Variants in ARHGEF26 observed in about 807,000 individuals in gnomAD.
The protein encoded by ARHGEF26 is Rho guanine nucleotide exchange factor 26.
Under a neutral mutation model 89.4 loss-of-function variants are expected in ARHGEF26, and 59 were observed. The ratio of observed to expected loss-of-function variants is 0.66; its 90% confidence interval spans 0.54 to 0.82. The LOEUF (loss-of-function observed/expected upper bound fraction) is 0.82. ARHGEF26 is among the 40% of genes least tolerant of loss of function. The pLI, the probability that ARHGEF26 is intolerant of heterozygous loss-of-function variation, is 0.00. For missense variants in ARHGEF26, 1,234 were observed against 1,085.6 expected (o/e 1.14, Z -1.92); for synonymous variants, 500 against 428.4 (o/e 1.17, Z -2.06).
chr3:154,207,121 G>C (rs1227906666), intron 9 of ARHGEF26, among the ~76,000 whole-genome samples: 4 of 152,118 alleles, frequency 2.6e-5, no homozygotes, highest in African/African-American at 9.7e-5. Context: ...ATAGATTAAA[G>C]ACTTAAATGT....
At chr3:154,218,024 G>A in intron 10 of ARHGEF26, 66 bp downstream of exon 10, 1 of 1,375,596 alleles carries the variant, frequency 7.3e-7, no homozygotes, top group East Asian at 2.5e-5. Flanking sequence ...AGAGACAGTT[G>A]AGGGCAACAA....
At chr3:154,234,941 AT>A (rs1193512696) in intron 11 of ARHGEF26, among the ~76,000 whole-genome samples, 3 of 151,668 alleles carry the variant, frequency 2.0e-5, no homozygotes, top group Non-Finnish European at 4.4e-5. Context: ...AATTTTTTGT[AT>A]TTTTAGAGAC....
Position 154,257,105 on chromosome 3 carries a change from T to G in ARHGEF26, c.*1632T>G. 1 of 1,192,176 alleles carries G rather than the reference T, an allele frequency of 8.4e-7. No individual in the cohort carries two copies. The highest frequency in any genetic ancestry group is 1.1e-6 in the Non-Finnish European group (1 of 890,990). 73.8% of individuals were successfully genotyped at this position (1,192,176 alleles called of 1,614,324 possible). On this transcript the variant is annotated 3_prime_UTR_variant, in exon 15 of 15. Transcript: ENST00000465093. ...AAATTGTAAAGCTACAGAAGCCCAG[T>G]TGAGGGGTAAGTGTGCCTGGCTCAC...
intron 6 of ARHGEF26, among the ~76,000 whole-genome samples, chr3:154,172,110 C>T (rs534507246): frequency 6.6e-5 from 10 of 152,268 alleles, no homozygotes; most frequent in East Asian, 1.9e-4. Context: ...AAAGGCTCTG[C>T]GCAAGAAGCA....
intron 11 of ARHGEF26, among the ~76,000 whole-genome samples, chr3:154,235,573 C>G (rs1227116841): frequency 6.6e-6 from 1 of 152,184 alleles, no homozygotes. Context: ...CATCCTTAAG[C>G]AGCCACAGAC....
Position 154,151,681 on chromosome 3 carries a change from C to T in ARHGEF26, c.1327-1091C>T, listed in dbSNP as rs138971031. Among the ~76,000 whole-genome samples the T allele has an allele frequency of 2.6e-5, 4 of 152,270 alleles. No individual in the cohort carries two copies. In the East Asian group the frequency reaches 5.8e-4, roughly 22 times the overall value. On this transcript the variant is annotated intron_variant, in intron 5 of 14. Transcript: ENST00000465093. ...GCACATTTAAGTAAGACCCAAGTCCCTAAACCTTACGGAAGTTAAAAGTGG... is the reference window on the plus strand; with the variant it reads ...GCACATTTAAGTAAGACCCAAGTCCTTAAACCTTACGGAAGTTAAAAGTGG...
intron 7 of ARHGEF26, among the ~76,000 whole-genome samples, chr3:154,190,529 A>C (rs1576757651): frequency 6.6e-6 from 1 of 152,054 alleles, no homozygotes. Context: ...ACAAACAAAC[A>C]AACCTGGGTT....
chr3:154,175,681 A>G (rs1436918212), intron 6 of ARHGEF26, among the ~76,000 whole-genome samples: 1 of 152,202 alleles, frequency 6.6e-6, no homozygotes. Flanking sequence ...TTCAGAGACC[A>G]CTTTCCAGGG....
At chr3:154,186,398 T>C (rs1355174579) in intron 6 of ARHGEF26, among the ~76,000 whole-genome samples, 1 of 152,190 alleles carries the variant, frequency 6.6e-6, no homozygotes, top group Non-Finnish European at 1.5e-5. Flanking sequence ...ATGTGTATTA[T>C]AGATATATAC....
chr3:154,193,887 TG>T (rs1328646884), intron 8 of ARHGEF26, among the ~76,000 whole-genome samples: 5 of 151,866 alleles, frequency 3.3e-5, no homozygotes, highest in Non-Finnish European at 2.9e-5. Context: ...CACCCAGGAG[TG>T]CAATGGTGCG....
intron 6 of ARHGEF26, among the ~76,000 whole-genome samples, chr3:154,170,490 T>G (rs1378038492): frequency 6.6e-6 from 1 of 152,218 alleles, no homozygotes; most frequent in African/African-American, 2.4e-5. Context: ...TTTTGAAAGT[T>G]GCTGACAGTG....
At chr3:154,130,535 A>G (rs902560863) in intron 4 of ARHGEF26, among the ~76,000 whole-genome samples, 4 of 152,102 alleles carry the variant, frequency 2.6e-5, no homozygotes, top group African/African-American at 9.7e-5. Flanking sequence ...CCTTTTTTGT[A>G]TGCCTGTCTC....
chr3:154,146,550 G>A lies in ARHGEF26; in HGVS notation c.1270-2839G>A, dbSNP rs567273812. On this transcript the variant is annotated intron_variant, in intron 4 of 14. Transcript: ENST00000465093. The stretch of plus-strand genomic sequence containing the variant: ...AATATCTTGTAGTGTTCTTTATTAG[G>A]TTTAGCCAATTACTAATTTCTATCT... Among the ~76,000 whole-genome samples, 7 of 152,200 alleles carry A rather than the reference G, an allele frequency of 4.6e-5. No individual in the cohort carries two copies. The East Asian group carries it at 1.4e-3, about 29-fold the overall frequency.
intron 6 of ARHGEF26, among the ~76,000 whole-genome samples, chr3:154,174,655 A>C (rs928426850): frequency 6.6e-6 from 1 of 152,226 alleles, no homozygotes; most frequent in Non-Finnish European, 1.5e-5. Context: ...TTCCTGTTAC[A>C]GTTAATTGGG....
chr3:154,160,708 A>G (rs967818533), intron 6 of ARHGEF26, among the ~76,000 whole-genome samples: 1 of 152,118 alleles, frequency 6.6e-6, no homozygotes. Flanking sequence ...TCACAAATCT[A>G]TGGTTACTTG....
intron 11 of ARHGEF26, among the ~76,000 whole-genome samples, chr3:154,229,179 A>G (rs1716682987): frequency 6.6e-6 from 1 of 152,134 alleles, no homozygotes; most frequent in Non-Finnish European, 1.5e-5. Flanking sequence ...TTTTTAGAAC[A>G]TTAAAAACAA....
At chr3:154,253,688 T>C (rs1718305755) in intron 13 of ARHGEF26, among the ~76,000 whole-genome samples, 1 of 152,202 alleles carries the variant, frequency 6.6e-6, no homozygotes, top group Non-Finnish European at 1.5e-5. Flanking sequence ...TTCACTATTC[T>C]AGAGAATTAG....
At chr3:154,234,065 T>G (rs893679313) in intron 11 of ARHGEF26, among the ~76,000 whole-genome samples, 2 of 152,208 alleles carry the variant, frequency 1.3e-5, no homozygotes, top group Non-Finnish European at 2.9e-5. Flanking sequence ...TAAACCTTTT[T>G]ACAAAAGGAA....
chr3:154,232,259 A>G (rs771334932), intron 11 of ARHGEF26, among the ~76,000 whole-genome samples: 11 of 152,152 alleles, frequency 7.2e-5, no homozygotes, highest in Non-Finnish European at 1.2e-4. Context: ...GGTGACAGGG[A>G]TGGGGCTTCC....
Sources: allele counts gnomAD v4.1 joint callset (sites outside exome capture counted in the v4.1 genomes callset), GRCh38; gene constraint gnomAD v4.1.1; transcripts MANE v1.5; gene names NCBI Gene and HGNC (gene_info 2026-07-23, HGNC 2026-07-21).